The following IGDCC4 variants were observed in gnomAD, a reference collection of about 807,000 sequenced individuals.
The protein encoded by IGDCC4 is immunoglobulin superfamily DCC subclass member 4.
A neutral mutation model predicts 116.6 loss-of-function variants in IGDCC4; 72 were observed. The ratio of observed to expected loss-of-function variants is 0.62; its 90% CI spans 0.51 to 0.75. The LOEUF is 0.75. Ranked by LOEUF, IGDCC4 falls within the 30% of genes least tolerant of loss-of-function variation. The pLI is 0.00. For missense variants in IGDCC4, 1,501 were observed against 1,662.4 expected, an observed-to-expected ratio of 0.90 and a Z score of 1.69; for synonymous variants, 709 against 719.9, an observed-to-expected ratio of 0.98 and a Z score of 0.24.
At chr15:65,412,133 C>A (rs1014390303) in intron 1 of IGDCC4, among the ~76,000 whole-genome samples, 1 of 151,980 alleles carries the variant, frequency 6.6e-6, no homozygotes, top group Non-Finnish European at 1.5e-5. Flanking sequence ...CAAGGAGGAT[C>A]GCCTGAGCCT....
At position 65,400,868 on chromosome 15, in the gene IGDCC4, C is replaced by G; in HGVS notation, c.779G>C (p.Ser260Thr). The G allele has an allele frequency of 6.2e-7, 1 of 1,614,038 alleles. No individual in the cohort carries two copies. The highest frequency in any genetic ancestry group is 8.5e-7 in the Non-Finnish European group (1 of 1,179,958). Residue 260 changes from serine (S) to threonine (T), a missense_variant, in exon 5 of 20, where the codon AGT becomes ACT. Physicochemically the swap from Ser to Thr is moderately conservative, Grantham distance 58. Transcript: ENST00000352385. ...PENTTVVSGQSVVMECVASAD... is the reference protein window; with the variant it reads ...PENTTVVSGQTVVMECVASAD... Reference sequence around the variant, plus strand: ...TGAGGCCACACATTCCATCACCACACTCTGGCCAGACACCACTGTGGTGTT... The same window carrying G: ...TGAGGCCACACATTCCATCACCACAGTCTGGCCAGACACCACTGTGGTGTT...
At chr15:65,415,398 A>T (rs776974047) in intron 1 of IGDCC4, among the ~76,000 whole-genome samples, 6 of 152,124 alleles carry the variant, frequency 3.9e-5, no homozygotes, top group Admixed American at 1.3e-4. Context: ...CTGGCTGGGG[A>T]GCCCAGAGGA....
At position 65,395,079 on chromosome 15, in the gene IGDCC4, G is replaced by GT; in HGVS notation, c.1576+14dup. 2 of 1,591,874 alleles carry GT rather than the reference G, an allele frequency of 1.3e-6. No individual in the cohort carries two copies. Among genetic ancestry groups the GT allele is most frequent in the Non-Finnish European group, 1.7e-6 (2 of 1,163,010 alleles). ...CTTTACCCCAAGCTGCCCACTGCGA[G>GT]TTCAGAGGCCCTACCATCATCCAGT... On this transcript the variant is annotated intron_variant, in intron 8 of 19. Transcript: ENST00000352385.
rs960106490 is a variant in IGDCC4, at chr15:65,382,823, G to A, written c.*1186C>T. On this transcript the variant is annotated 3_prime_UTR_variant, in exon 20 of 20. Coordinates refer to ENST00000352385, the MANE Select transcript of IGDCC4 (RefSeq NM_020962.3). Reference sequence around the variant, plus strand: ...CCTTCTCTTCCTTTAGCTTCTTCTGGAAGAGAGGCCCAAATCATCTCCATC... The same window carrying A: ...CCTTCTCTTCCTTTAGCTTCTTCTGAAAGAGAGGCCCAAATCATCTCCATC... 4 of 152,080 alleles carry A rather than the reference G, an allele frequency of 2.6e-5. No individual in the cohort carries two copies. The highest frequency in any genetic ancestry group is 4.4e-5 in the Non-Finnish European group (3 of 68,042). The allele number at this position is 152,080 out of a possible 1,614,324, so 9.4% of individuals were successfully genotyped here.
rs1180775123 is a variant in IGDCC4, at chr15:65,388,510, C to T, written c.2784G>A (p.Glu928=). ...RYFFKMGART[E]VGPGPFSRLQ... ...GGCGGGAGAAAGGCCCAGGTCCCAC[C>T]TCTGTGCGCGCCCCCATCTTGAAGA... is the stretch of plus-strand genomic sequence containing the variant. Residue 928 remains glutamate, a synonymous_variant, in exon 16 of 20, where the codon GAG becomes GAA. Transcript: ENST00000352385. 2 of 1,614,158 alleles carry T rather than the reference C, an allele frequency of 1.2e-6. No individual in the cohort carries two copies. Among genetic ancestry groups the T allele is most frequent in the Admixed American group, 1.7e-5 (1 of 60,026 alleles).
rs1816209797 is a variant in IGDCC4, at chr15:65,393,700, G to A, written c.1715-169C>T. Among the ~76,000 whole-genome samples, 1 of 152,210 alleles carries A rather than the reference G, an allele frequency of 6.6e-6. No homozygotes were observed. The highest frequency in any genetic ancestry group is 1.5e-5 in the Non-Finnish European group (1 of 68,038). On this transcript the variant is annotated intron_variant, in intron 9 of 19. Coordinates refer to ENST00000352385, the MANE Select transcript of IGDCC4 (RefSeq NM_020962.3). This position sits in a 1 kb window ranked among gnomAD's most constrained non-coding sequence, Gnocchi z 4.6. Reference sequence around the variant, plus strand: ...CCTGGGCAGATTCTATGGCTCCAGGGTTGACGCTTGAGCCTCCAACTCTGG... The same window carrying A: ...CCTGGGCAGATTCTATGGCTCCAGGATTGACGCTTGAGCCTCCAACTCTGG...
rs1434704236 is a variant in IGDCC4, at chr15:65,384,520, G to GT, written c.3343-102dup. 1 of 1,184,402 alleles carries GT rather than the reference G, an allele frequency of 8.4e-7. No homozygotes were observed. The highest frequency in any genetic ancestry group is 1.2e-6 in the Non-Finnish European group (1 of 862,072). The allele number at this position is 1,184,402 out of a possible 1,614,324, so 73.4% of individuals were successfully genotyped here. A position where few individuals can be genotyped will look rare whatever the true frequency, so the allele number is the denominator to read the frequency against. ...GCAGAAAGTCTGACCCTCCATCAGA[G>GT]TAAGTATCACATGGGAGTCGGTGAA... is the stretch of plus-strand genomic sequence containing the variant. On this transcript the variant is annotated intron_variant, in intron 19 of 19. Transcript: ENST00000352385. The surrounding 1 kb of genome is among the most constrained non-coding windows in gnomAD (Gnocchi z 4.9).
At position 65,411,376 on chromosome 15, in the gene IGDCC4, T is replaced by C. The variant is rs749189441; in HGVS notation, c.71-6A>G. 10 of 1,552,164 alleles carry C rather than the reference T, an allele frequency of 6.4e-6. No homozygotes were observed. Among genetic ancestry groups the C allele is most frequent in the Admixed American group, 3.6e-5 (2 of 54,906 alleles). Reference sequence around the variant, plus strand: ...CTGGGGCAACAGCAGCTCCCCTGCATAGAGGAGGAGCACGGGGCCATCAGT... The same window carrying C: ...CTGGGGCAACAGCAGCTCCCCTGCACAGAGGAGGAGCACGGGGCCATCAGT... On this transcript the variant is annotated splice_polypyrimidine_tract_variant and splice_region_variant and intron_variant, in intron 1 of 19. Transcript: ENST00000352385.
intron 3 of IGDCC4, among the ~76,000 whole-genome samples, chr15:65,402,799 G>A (rs571501418): frequency 1.2e-4 from 19 of 152,260 alleles, no homozygotes; most frequent in Non-Finnish European, 2.4e-4. Flanking sequence ...CCCGGGAGGC[G>A]GAGGTTGCGG....
rs570298024 is a variant in IGDCC4 at position 65,385,148 on chromosome 15, C to A, written c.3181-33G>T. 287 of 1,535,298 alleles carry A rather than the reference C, an allele frequency of 1.9e-4. No individual in the cohort carries two copies. The African/African-American group carries it at 3.6e-3, about 19-fold the overall frequency. ...GGGGAAAGAAGGGGACAGTAAGGGG[C>A]ACGACCAGGATTGGCTGGGAGAGGG... On this transcript the variant is annotated intron_variant, in intron 18 of 19. Coordinates refer to ENST00000352385, the MANE Select transcript of IGDCC4 (RefSeq NM_020962.3).
chr15:65,388,851 G>A lies in IGDCC4; in HGVS notation c.2664C>T (p.Asn888=). The stretch of plus-strand genomic sequence containing the variant: ...TCCACTGGTGCTCAGGCTGCGTGTG[G>A]TTGCTGCTGTACAGGATCAGATACT... ...IVEYLILYSS[N]HTQPEHQWTL... Residue 888 remains asparagine, a synonymous_variant, in exon 15 of 20, where the codon AAC becomes AAT. Transcript: ENST00000352385. The A allele has an allele frequency of 1.2e-6, 2 of 1,614,104 alleles. No individual in the cohort carries two copies. The highest frequency in any genetic ancestry group is 1.1e-5 in the South Asian group (1 of 91,084).
chr15:65,410,596 T>C (rs1395466612), intron 2 of IGDCC4: 1 of 511,794 alleles, frequency 2.0e-6, no homozygotes, highest in Non-Finnish European at 3.5e-6. Context: ...TGAAAGTTAC[T>C]TCATGGTGAT....
intron 1 of IGDCC4, among the ~76,000 whole-genome samples, chr15:65,418,613 C>A (rs1247981965): frequency 6.6e-6 from 1 of 152,078 alleles, no homozygotes; most frequent in African/African-American, 2.4e-5. Flanking sequence ...GATTTCTCTG[C>A]ATGTCAGGCT....
chr15:65,392,405 G>C (rs773111332), intron 10 of IGDCC4, 35 bp from the exon 11 acceptor site: 2 of 1,449,174 alleles, frequency 1.4e-6, no homozygotes, highest in Middle Eastern at 1.8e-4. Flanking sequence ...GAAAATTAAG[G>C]AACAGAATGC....
chr15:65,409,601 T>C (rs1406319991), intron 3 of IGDCC4, among the ~76,000 whole-genome samples: 2 of 152,194 alleles, frequency 1.3e-5, no homozygotes, highest in Non-Finnish European at 2.9e-5. Context: ...CTGCTTCCCT[T>C]CCGCCTTGGA....
intron 3 of IGDCC4, among the ~76,000 whole-genome samples, chr15:65,406,094 A>G (rs1393312170): frequency 6.6e-6 from 1 of 152,250 alleles, no homozygotes; most frequent in Non-Finnish European, 1.5e-5. Context: ...TAAGTCCCTT[A>G]GTTCCATGTT....
At position 65,402,430 on chromosome 15, in the gene IGDCC4, T is replaced by A; in HGVS notation, c.621A>T (p.Ala207=). Residue 207 remains alanine, a synonymous_variant, in exon 4 of 20, where the codon GCA becomes GCT. Transcript: ENST00000352385. ...TGGTGGCCACGCAGCGGTAGGGGCC[T>A]GCATCACTCTCCTGAACATCCAGGA... ...LQILDVQESD[A]GPYRCVATNS... is the part of the protein sequence containing the mutation. 1 of 1,566,922 alleles carries A rather than the reference T, an allele frequency of 6.4e-7. No individual in the cohort carries two copies. Among genetic ancestry groups the A allele is most frequent in the East Asian group, 2.3e-5 (1 of 42,808 alleles).
chr15:65,400,113 A>G (rs2140215244), intron 5 of IGDCC4, among the ~76,000 whole-genome samples: 1 of 152,358 alleles, frequency 6.6e-6, no homozygotes, highest in East Asian at 1.9e-4. Context: ...GGAGGCTGAC[A>G]GGAGAACAGG....
rs1207249936 is a variant in IGDCC4, at chr15:65,411,244, G to T, written c.197C>A (p.Pro66His). ...CTTGCTCCAGGTCACCCTGGTGGGG[G>T]GTCCAGCGGCAGCAGCCCCCAGGCT... ...NCSLGAAAAG[P>H]PTRVTWSKDG... The change falls in exon 2 of 20, where the codon CCC (proline) becomes CAC (histidine). Residue 66 changes from proline (P) to histidine (H), a missense_variant. Around this residue, in one of 3 missense-constraint regions of IGDCC4, gnomAD observed 898 missense variants for 978.9 expected, o/e 0.92. Transcript: ENST00000352385. The T allele has an allele frequency of 1.2e-6, 2 of 1,614,020 alleles. No homozygotes were observed. Among genetic ancestry groups the T allele is most frequent in the Non-Finnish European group, 1.7e-6 (2 of 1,180,024 alleles).
Sources: allele counts gnomAD v4.1 joint callset (sites outside exome capture counted in the v4.1 genomes callset), GRCh38; gene constraint gnomAD v4.1.1; regional missense constraint gnomAD v4.1.1; non-coding constraint Gnocchi (gnomAD v3.1); transcripts MANE v1.5; gene names NCBI Gene and HGNC (gene_info 2026-07-23, HGNC 2026-07-21).